MAP9: variants seen among roughly 807,000 people sequenced by gnomAD.
The protein encoded by MAP9 is microtubule associated protein 9, also known as microtubule-associated protein 9.
Under a neutral mutation model 75.2 loss-of-function variants are expected in MAP9, and 80 were observed. That is an observed-to-expected ratio of 1.06 (90% CI 0.89 to 1.28). The LOEUF is 1.28. Ranked by LOEUF, MAP9 falls within the 50% of genes most tolerant of loss-of-function variation. The pLI is 0.00. For synonymous variants in MAP9, 235 were observed against 237.3 expected (o/e 0.99, Z 0.09); for missense variants, 753 against 719.9 (o/e 1.05, Z -0.53).
At chr4:155,358,631 C>A (rs1279822804) in intron 7 of MAP9, among the ~76,000 whole-genome samples, 3 of 151,992 alleles carry the variant, frequency 2.0e-5, no homozygotes, top group Non-Finnish European at 4.4e-5. Flanking sequence ...AAGTATAGCA[C>A]TCAGGCACAA....
At chr4:155,350,394 G>C (rs952122147) in intron 13 of MAP9, among the ~76,000 whole-genome samples, 4 of 151,936 alleles carry the variant, frequency 2.6e-5, no homozygotes, top group Non-Finnish European at 4.4e-5. Flanking sequence ...TTGTTCTTCA[G>C]AGGACTGATA....
chr4:155,375,472 G>GA (rs960170562), intron 2 of MAP9, among the ~76,000 whole-genome samples: 5 of 149,180 alleles, frequency 3.4e-5, no homozygotes, highest in Non-Finnish European at 6.0e-5. Flanking sequence ...TGACTCAACA[G>GA]AAAAAAAAAC....
Position 155,375,911 on chromosome 4 carries a change from G to GCTATTTTTTCTCGTTACCTTTATAAAA in MAP9, c.-62_-61insTTTTATAAAGGTAACGAGAAAAAATAG. 9.2e-7 allele frequency: 1 copy of GCTATTTTTTCTCGTTACCTTTATAAAA among 1,085,036 alleles called. No individual in the cohort carries two copies. Among genetic ancestry groups the GCTATTTTTTCTCGTTACCTTTATAAAA allele is most frequent in the Non-Finnish European group, 1.4e-6 (1 of 717,036 alleles). The allele number at this position is 1,085,036 out of a possible 1,614,324, so 67.2% of individuals were successfully genotyped here. A position where few individuals can be genotyped will look rare whatever the true frequency, so the allele number is the denominator to read the frequency against. ...AATTATTAGAATTCAACTTCTGATAGTAGCTGAAATATACAAAACAAATCA... is the reference window on the plus strand; with the variant it reads ...AATTATTAGAATTCAACTTCTGATAGCTATTTTTTCTCGTTACCTTTATAAAATAGCTGAAATATACAAAACAAATCA... On this transcript the variant is annotated 5_prime_UTR_variant, in exon 2 of 14. Transcript: ENST00000311277.
chr4:155,358,176 A>G (rs1374262335), intron 7 of MAP9, among the ~76,000 whole-genome samples: 1 of 152,214 alleles, frequency 6.6e-6, no homozygotes, highest in Non-Finnish European at 1.5e-5. Context: ...AACAAGTTAC[A>G]ACCTTACTTG....
intron 9 of MAP9, 102 bp downstream of exon 9, chr4:155,355,614 T>A (rs1731742108): frequency 1.2e-6 from 1 of 854,354 alleles, no homozygotes; most frequent in Admixed American, 3.1e-5. Flanking sequence ...AATTTAAGTA[T>A]TAAACCATCA....
rs1731568474 is a variant in MAP9, at chr4:155,352,659, T to C, written c.1758A>G (p.Glu586=). 7.8e-6 allele frequency: 12 copies of C among 1,547,374 alleles called. No homozygotes were observed. Among genetic ancestry groups the C allele is most frequent in the Non-Finnish European group, 1.1e-5 (12 of 1,133,244 alleles). Residue 586 remains glutamate (E), a synonymous_variant, in exon 13 of 14, where the codon GAA becomes GAG. Coordinates refer to ENST00000311277, the MANE Select transcript of MAP9 (RefSeq NM_001039580.2). ...TATCTTTTTTCTCAGCTCTTTTCAG[T>C]TCTTCCTTTCTTTTCTCATTTATTT... ...KEKINEKRKE[E]LKRAEKKDKD...
At chr4:155,375,415 G>A (rs1162150663) in intron 2 of MAP9, among the ~76,000 whole-genome samples, 1 of 152,006 alleles carries the variant, frequency 6.6e-6, no homozygotes, top group Non-Finnish European at 1.5e-5. Flanking sequence ...TTTCAGAAAT[G>A]GATGCAATCA....
intron 13 of MAP9, chr4:155,349,314 A>G (rs920626693): frequency 1.3e-5 from 2 of 152,226 alleles, no homozygotes; most frequent in African/African-American, 4.8e-5. Context: ...GTGTCCCTTT[A>G]TGTCTCTGCT....
At chr4:155,368,533 T>TA (rs767747637) in intron 5 of MAP9, 53 bp downstream of exon 5, 5 of 1,399,840 alleles carry the variant, frequency 3.6e-6, no homozygotes, top group South Asian at 2.3e-5. Context: ...CATAATCAGA[T>TA]AAAAAAGCAT....
At chr4:155,357,271 T>A (rs925804255) in intron 8 of MAP9, 178 bp downstream of exon 8, 4 of 576,604 alleles carry the variant, frequency 6.9e-6, no homozygotes, top group South Asian at 2.0e-5. Flanking sequence ...TTACTTTATT[T>A]CAAATAATAT....
chr4:155,351,297 C>T (rs1731498351), intron 13 of MAP9: 1 of 151,784 alleles, frequency 6.6e-6, no homozygotes, highest in Non-Finnish European at 1.5e-5. Context: ...AAGTTGAAAT[C>T]ATATTTCCCA....
At position 155,373,100 on chromosome 4, in the gene MAP9, C is replaced by T. The variant is rs375940528; in HGVS notation, c.481+36G>A. 965 of 1,375,132 alleles carry T rather than the reference C, an allele frequency of 7.0e-4. 3 individuals are homozygous for T. The highest frequency in any genetic ancestry group is 8.7e-4 in the Non-Finnish European group (893 of 1,029,186). The allele number at this position is 1,375,132 out of a possible 1,614,324, so 85.2% of individuals were successfully genotyped here. On this transcript the variant is annotated intron_variant, in intron 4 of 13. Coordinates refer to ENST00000311277, the MANE Select transcript of MAP9 (RefSeq NM_001039580.2). ...GGACTGATTATCTTAAAATAAACTT[C>T]CAAGAAATGCAATTACAGTAATCCT...
chr4:155,367,487 A>G (rs1444598667), intron 5 of MAP9: 3 of 152,240 alleles, frequency 2.0e-5, no homozygotes, highest in African/African-American at 7.2e-5. Context: ...CTAAGAGAAT[A>G]CATTTCTGTT....
rs1245107899 is a variant in MAP9 at position 155,345,298 on chromosome 4, T to C, written c.*2485A>G. 1 of 152,054 alleles carries C rather than the reference T, an allele frequency of 6.6e-6. No homozygotes were observed. Among genetic ancestry groups the C allele is most frequent in the Non-Finnish European group, 1.5e-5 (1 of 67,962 alleles). The allele number at this position is 152,054 out of a possible 1,614,324, so 9.4% of individuals were successfully genotyped here. On this transcript the variant is annotated 3_prime_UTR_variant, in exon 14 of 14. Transcript: ENST00000311277. ...ACAGGAAATAATATGTTATTTATCA[T>C]AGTAAGACAAAAAAAATTTGAAGTG...
chr4:155,356,119 T>A (rs1477162678), intron 8 of MAP9, among the ~76,000 whole-genome samples: 2 of 151,946 alleles, frequency 1.3e-5, no homozygotes, highest in African/African-American at 4.8e-5. Flanking sequence ...ATACAAAAAA[T>A]TAGCTGGCGT....
chr4:155,360,464 A>G, intron 6 of MAP9, 49 bp from the exon 7 acceptor site: 1 of 1,530,782 alleles, frequency 6.5e-7, no homozygotes, highest in Non-Finnish European at 8.8e-7. Context: ...TGAATTAATA[A>G]GGTAAATACT....
chr4:155,345,775 A>G lies in MAP9; in HGVS notation c.*2008T>C, dbSNP rs1339751935. Reference sequence around the variant, plus strand: ...AAAGTAAATAAATAATGTGAAATCTATAAGATACACATCCATGATCTCACA... The same window carrying G: ...AAAGTAAATAAATAATGTGAAATCTGTAAGATACACATCCATGATCTCACA... On this transcript the variant is annotated 3_prime_UTR_variant, in exon 14 of 14. Coordinates refer to ENST00000311277, the MANE Select transcript of MAP9 (RefSeq NM_001039580.2). The G allele has an allele frequency of 6.6e-6, 1 of 152,194 alleles. No homozygotes were observed. Among genetic ancestry groups the G allele is most frequent in the Non-Finnish European group, 1.5e-5 (1 of 68,034 alleles). 9.4% of individuals were successfully genotyped at this position (152,194 alleles called of 1,614,324 possible).
At chr4:155,356,967 CT>C (rs1731819121) in intron 8 of MAP9, 2 of 158,328 alleles carry the variant, frequency 1.3e-5, no homozygotes, top group Admixed American at 1.3e-4. Context: ...AATAAACCTA[CT>C]TAGTTCATAG....
At chr4:155,375,088 T>C in intron 2 of MAP9, 67 bp from the exon 3 acceptor site, 2 of 1,145,464 alleles carry the variant, frequency 1.7e-6, no homozygotes, top group Non-Finnish European at 2.5e-6. Context: ...AGTAATTCTT[T>C]AAACAAACAA....
Sources: gnomAD v4.1 joint callset for allele counts (sites outside exome capture counted in the v4.1 genomes callset) on GRCh38, gnomAD v4.1.1 for gene constraint, MANE v1.5 for transcripts, NCBI Gene and HGNC (gene_info 2026-07-23, HGNC 2026-07-21) for gene names.